Variants in PAPPA observed in about 807,000 individuals in gnomAD.
PAPPA encodes pappalysin 1.
Under a neutral mutation model 164.0 loss-of-function variants are expected in PAPPA, and 60 were observed. That is an observed-to-expected ratio of 0.37 (90% CI 0.30 to 0.45). The LOEUF is 0.45. PAPPA is among the 20% of genes least tolerant of loss of function. The probability of loss-of-function intolerance (pLI) is 1.00; values close to 1 mark genes in which losing one functional copy is unlikely to be tolerated. For synonymous variants in PAPPA, 875 were observed against 814.1 expected, an observed-to-expected ratio of 1.07 and a Z score of -1.27; for missense variants, 1,782 against 2,087.3, an observed-to-expected ratio of 0.85 and a Z score of 2.85.
intron 7 of PAPPA, among the ~76,000 whole-genome samples, chr9:116,236,153 C>A (rs1334775112): frequency 1.3e-5 from 2 of 152,138 alleles, no homozygotes; most frequent in Non-Finnish European, 2.9e-5. Context: ...TCAACTTTAA[C>A]AGCACTTGTT....
intron 9 of PAPPA, among the ~76,000 whole-genome samples, chr9:116,302,090 G>C (rs1321328766): frequency 6.6e-6 from 1 of 152,152 alleles, no homozygotes; most frequent in African/African-American, 2.4e-5. Flanking sequence ...TTAACACACT[G>C]TGTGATCTTG....
Position 116,245,448 on chromosome 9 carries a change from G to A in PAPPA, c.2732+9811G>A, listed in dbSNP as rs545200253. Among the ~76,000 whole-genome samples the A allele has an allele frequency of 3.9e-5, 6 of 152,286 alleles. No homozygotes were observed. In the South Asian group the frequency reaches 1.2e-3, roughly 32 times the overall value. The stretch of plus-strand genomic sequence containing the variant: ...CCTGGTATTCTGTGAAGAAAGGATT[G>A]AGGAAGGGTGAGTGAATCCATTTAG... On this transcript the variant is annotated intron_variant, in intron 7 of 21. Coordinates refer to ENST00000328252, the MANE Select transcript of PAPPA (RefSeq NM_002581.5).
chr9:116,276,245 T>C (rs1459252770), intron 9 of PAPPA, among the ~76,000 whole-genome samples: 1 of 152,178 alleles, frequency 6.6e-6, no homozygotes. Flanking sequence ...GGGATAATAG[T>C]CAAATTAGTC....
intron 1 of PAPPA, among the ~76,000 whole-genome samples, chr9:116,159,064 T>C (rs1843634788): frequency 6.6e-6 from 1 of 152,228 alleles, no homozygotes; most frequent in Non-Finnish European, 1.5e-5. Flanking sequence ...GAAATGGATA[T>C]AAATCTCAAC....
intron 7 of PAPPA, among the ~76,000 whole-genome samples, chr9:116,244,948 G>A (rs1371592799): frequency 6.6e-6 from 1 of 152,122 alleles, no homozygotes; most frequent in Non-Finnish European, 1.5e-5. Flanking sequence ...AGAAAACGAG[G>A]TATATGTACA....
intron 18 of PAPPA, among the ~76,000 whole-genome samples, chr9:116,363,010 G>T (rs899316199): frequency 6.6e-6 from 1 of 152,210 alleles, no homozygotes; most frequent in East Asian, 1.9e-4. Context: ...ACTCCCACAG[G>T]AAGGGATGCT....
In PAPPA at chr9:116,289,326, C is replaced by CAT. The variant is rs1226644227; in HGVS notation, c.2954-13423_2954-13422dup. Among the ~76,000 whole-genome samples the CAT allele has an allele frequency of 1.0e-4, 14 of 137,296 alleles. 3 individuals are homozygous for CAT. The highest frequency in any genetic ancestry group is 1.7e-4 in the Non-Finnish European group (11 of 64,112). 90.1% of individuals were successfully genotyped at this position (137,296 alleles called of 152,430 possible). On this transcript the variant is annotated intron_variant, in intron 9 of 21. Coordinates refer to ENST00000328252, the MANE Select transcript of PAPPA (RefSeq NM_002581.5). ...TAGCATATATATGGCATATATATGGCATATATATAGCATATATATGGCATA... is the reference window on the plus strand; with the variant it reads ...TAGCATATATATGGCATATATATGGCATATATATATAGCATATATATGGCATA...
chr9:116,199,052 C>T (rs537946342), intron 2 of PAPPA, among the ~76,000 whole-genome samples: 21 of 152,118 alleles, frequency 1.4e-4, no homozygotes, highest in South Asian at 4.1e-4. Flanking sequence ...TGTTGAAAAC[C>T]GCAATTACTT....
At chr9:116,210,552 T>A (rs540255160) in intron 3 of PAPPA, among the ~76,000 whole-genome samples, 8 of 152,314 alleles carry the variant, frequency 5.3e-5, no homozygotes, top group East Asian at 1.9e-4. Context: ...TTAAACATTT[T>A]AAAATTTTAA....
chr9:116,305,134 G>GACACACACACACACACACACAC (rs57723920), intron 10 of PAPPA, among the ~76,000 whole-genome samples: 14 of 129,864 alleles, frequency 1.1e-4, no homozygotes, highest in Non-Finnish European at 1.6e-5. Flanking sequence ...TGGGCACACA[G>GACACACACACACACACACACAC]ACACACACAC....
intron 10 of PAPPA, among the ~76,000 whole-genome samples, chr9:116,325,806 C>G (rs189863622): frequency 6.6e-6 from 1 of 152,208 alleles, no homozygotes; most frequent in East Asian, 1.9e-4. Context: ...AAAATAGGAT[C>G]AATAAGGTAC....
chr9:116,190,901 T>A (rs1337164326), intron 2 of PAPPA, among the ~76,000 whole-genome samples: 1 of 152,156 alleles, frequency 6.6e-6, no homozygotes, highest in Non-Finnish European at 1.5e-5. Flanking sequence ...TCACGTGTCA[T>A]CTCTTGGTGA....
At chr9:116,219,839 G>C in intron 4 of PAPPA, 98 bp from the exon 5 acceptor site, 1 of 948,196 alleles carries the variant, frequency 1.1e-6, no homozygotes, top group Non-Finnish European at 1.6e-6. Context: ...GGAACGACTT[G>C]GGTGCTGACT....
intron 1 of PAPPA, among the ~76,000 whole-genome samples, chr9:116,159,788 T>A (rs1843646381): frequency 6.6e-6 from 1 of 152,194 alleles, no homozygotes; most frequent in Non-Finnish European, 1.5e-5. Flanking sequence ...TCCAGAGATA[T>A]GGAACTCGGG....
chr9:116,334,734 C>A, intron 12 of PAPPA, 127 bp from the exon 13 acceptor site: 1 of 647,218 alleles, frequency 1.5e-6, no homozygotes, highest in East Asian at 2.7e-5. Context: ...CCTCACCGGC[C>A]GCCCAATGGT....
chr9:116,352,674 C>T, intron 15 of PAPPA, 32 bp from the exon 16 acceptor site: 1 of 1,570,402 alleles, frequency 6.4e-7, no homozygotes, highest in Non-Finnish European at 8.8e-7. Flanking sequence ...AGACTCCTCC[C>T]TCCTCTAACC....
chr9:116,191,800 A>T (rs562422697), intron 2 of PAPPA, among the ~76,000 whole-genome samples: 1 of 152,288 alleles, frequency 6.6e-6, no homozygotes, highest in Non-Finnish European at 1.5e-5. Flanking sequence ...ACATTCAAAC[A>T]GAATAATTAA....
At chr9:116,175,911 T>G (rs1843828527) in intron 1 of PAPPA, among the ~76,000 whole-genome samples, 1 of 152,016 alleles carries the variant, frequency 6.6e-6, no homozygotes, top group Non-Finnish European at 1.5e-5. Flanking sequence ...TCAGAAAGAC[T>G]CAGGAGAAAA....
chr9:116,299,569 T>A (rs1845553615), intron 9 of PAPPA, among the ~76,000 whole-genome samples: 1 of 152,216 alleles, frequency 6.6e-6, no homozygotes, highest in African/African-American at 2.4e-5. Flanking sequence ...AATCTTACCC[T>A]ATTTTTCTTT....
Sources: gnomAD v4.1 joint callset for allele counts (sites outside exome capture counted in the v4.1 genomes callset) on GRCh38, gnomAD v4.1.1 for gene constraint, MANE v1.5 for transcripts, NCBI Gene and HGNC (gene_info 2026-07-23, HGNC 2026-07-21) for gene names.